The following DPY19L1 variants were observed in gnomAD, a reference collection of about 807,000 sequenced individuals.
DPY19L1 encodes dpy-19 like C-mannosyltransferase 1, also known as protein C-mannosyl-transferase DPY19L1.
Under a neutral mutation model 96.9 loss-of-function variants are expected in DPY19L1, and 35 were observed. That is an observed-to-expected ratio of 0.36 (90% confidence interval 0.28 to 0.48). The LOEUF (loss-of-function observed/expected upper bound fraction) is 0.48. Ranked by LOEUF, DPY19L1 falls within the 20% of genes least tolerant of loss-of-function variation. The pLI, the probability that DPY19L1 is intolerant of heterozygous loss-of-function variation, is 0.99. For synonymous variants in DPY19L1, 205 were observed against 252.6 expected (o/e 0.81, Z 1.79); for missense variants, 521 against 777.9 (o/e 0.67, Z 3.93).
At chr7:34,965,560 T>C (rs1784592332) in intron 10 of DPY19L1, among the ~76,000 whole-genome samples, 1 of 152,182 alleles carries the variant, frequency 6.6e-6, no homozygotes, top group South Asian at 2.1e-4. Flanking sequence ...ATACAGGACT[T>C]AAAAGTAACA....
chr7:34,957,334 C>T (rs533364454), intron 11 of DPY19L1, among the ~76,000 whole-genome samples: 1 of 152,076 alleles, frequency 6.6e-6, no homozygotes, highest in Admixed American at 6.6e-5. Flanking sequence ...AAGATTGCGC[C>T]ATTGCACTCC....
intron 8 of DPY19L1, among the ~76,000 whole-genome samples, chr7:34,972,992 T>C (rs1784754695): frequency 6.6e-6 from 1 of 152,254 alleles, no homozygotes; most frequent in Non-Finnish European, 1.5e-5. Flanking sequence ...AAGGGAGTTA[T>C]CAGTCTGAGT....
intron 6 of DPY19L1, among the ~76,000 whole-genome samples, chr7:35,009,194 C>A (rs751125465): frequency 2.3e-4 from 35 of 152,144 alleles, no homozygotes; most frequent in Non-Finnish European, 4.3e-4. Context: ...AAACGGTGGG[C>A]TAGAAACTCA....
rs747408342 is a variant in DPY19L1 at position 35,023,844 on chromosome 7, T to TTTTG, written c.299-5249_299-5248insCAAA. Among the ~76,000 whole-genome samples the TTTTG allele has an allele frequency of 4.4e-3, 643 of 145,448 alleles. 4 individuals carry two copies. Among genetic ancestry groups the TTTTG allele is most frequent in the Non-Finnish European group, 7.5e-3 (497 of 65,998 alleles). On this transcript the variant is annotated intron_variant, in intron 1 of 21. Coordinates refer to ENST00000638088, the MANE Select transcript of DPY19L1 (RefSeq NM_001366673.1). Reference sequence around the variant, plus strand: ...TTTTCTTTTCTTTTCTTTTTTTTTTTTTTTTTTTTGAGACAGGGTCTTGCT... The same window carrying TTTTG: ...TTTTCTTTTCTTTTCTTTTTTTTTTTTTTGTTTTTTTTTGAGACAGGGTCTTGCT...
intron 6 of DPY19L1, among the ~76,000 whole-genome samples, chr7:34,995,931 G>C (rs1785274241): frequency 7.2e-6 from 1 of 139,602 alleles, no homozygotes; most frequent in Admixed American, 7.1e-5. Context: ...GGGGCGGTGG[G>C]GGGGATTCAC....
intron 7 of DPY19L1, among the ~76,000 whole-genome samples, chr7:34,989,407 G>A (rs1785116183): frequency 6.6e-6 from 1 of 152,048 alleles, no homozygotes. Context: ...TTGAGGCCAG[G>A]AATTCAAGAC....
intron 10 of DPY19L1, among the ~76,000 whole-genome samples, chr7:34,964,234 T>C (rs1784564727): frequency 6.6e-6 from 1 of 152,092 alleles, no homozygotes; most frequent in African/African-American, 2.4e-5. Context: ...AGTCATATAA[T>C]AAAGTATGTA....
chr7:34,956,634 G>T (rs1784385492), intron 11 of DPY19L1, among the ~76,000 whole-genome samples: 1 of 151,722 alleles, frequency 6.6e-6, no homozygotes, highest in Admixed American at 6.6e-5. Flanking sequence ...CTCCTGAGTA[G>T]CTGGGACTAC....
chr7:35,001,383 C>T (rs991436262), intron 6 of DPY19L1, among the ~76,000 whole-genome samples: 7 of 152,106 alleles, frequency 4.6e-5, no homozygotes, highest in Non-Finnish European at 8.8e-5. Flanking sequence ...TTAATTTATT[C>T]AATCAAAAAA....
intron 13 of DPY19L1, among the ~76,000 whole-genome samples, chr7:34,952,165 C>G (rs1347167586): frequency 1.3e-5 from 2 of 148,412 alleles, no homozygotes. Context: ...AATAGAAGAC[C>G]AATATTAATT....
At position 34,929,933 on chromosome 7, in the gene DPY19L1, C is replaced by G. The variant is rs1175915528; in HGVS notation, c.*1640G>C. The G allele has an allele frequency of 3.3e-5, 5 of 152,262 alleles. No individual in the cohort carries two copies. 9.4% of individuals were successfully genotyped at this position (152,262 alleles called of 1,614,324 possible). ...AGGAGCATCCCTGGGAGCTGCGGCT[C>G]TAGGCGCTGGCACAAGACTGGGGGG... On this transcript the variant is annotated 3_prime_UTR_variant, in exon 22 of 22. Transcript: ENST00000638088.
At chr7:34,940,439 G>C (rs1224353492) in intron 18 of DPY19L1, 112 bp from the exon 19 acceptor site, 1 of 800,108 alleles carries the variant, frequency 1.2e-6, no homozygotes, top group African/African-American at 1.8e-5. Flanking sequence ...CCCAAATAAA[G>C]GATTAATTAT....
In DPY19L1 at chr7:35,011,155, T is replaced by C. The variant is rs575438609; in HGVS notation, c.670+175A>G. Among the ~76,000 whole-genome samples, 10 of 152,278 alleles carry C rather than the reference T, an allele frequency of 6.6e-5. No individual in the cohort carries two copies. The East Asian group carries it at 1.7e-3, about 26-fold the overall frequency. On this transcript the variant is annotated intron_variant, in intron 5 of 21. Coordinates refer to ENST00000638088, the MANE Select transcript of DPY19L1 (RefSeq NM_001366673.1). ...TTAGTAGCAGAGGTCCCTGAAATCA[T>C]GGACATAAACCAGCCCCGCTAAAGC... is the stretch of plus-strand genomic sequence containing the variant.
At chr7:34,950,012 A>G in intron 13 of DPY19L1, 114 bp from the exon 14 acceptor site, 2 of 526,290 alleles carry the variant, frequency 3.8e-6, no homozygotes, top group Non-Finnish European at 6.5e-6. Context: ...CTGTTCCCAC[A>G]CCAAGCCTGC....
intron 6 of DPY19L1, among the ~76,000 whole-genome samples, chr7:35,004,053 C>T (rs550805792): frequency 7.2e-5 from 11 of 152,338 alleles, no homozygotes; most frequent in African/African-American, 2.6e-4. Context: ...CTTCAAGAAC[C>T]ATAAACTACA....
rs143756967 is a variant in DPY19L1, at chr7:34,937,715, C to T, written c.2090+279G>A. On this transcript the variant is annotated intron_variant, in intron 21 of 21. Coordinates refer to ENST00000638088, the MANE Select transcript of DPY19L1 (RefSeq NM_001366673.1). Reference sequence around the variant, plus strand: ...TTGGGAGGCCAAGGCAGGAGTAGCACTTGAGGCCAGGAGTTTGAGACCAGC... The same window carrying T: ...TTGGGAGGCCAAGGCAGGAGTAGCATTTGAGGCCAGGAGTTTGAGACCAGC... Among the ~76,000 whole-genome samples, 1,477 of 152,264 alleles carry T rather than the reference C, an allele frequency of 9.7e-3. 19 individuals carry two copies. The highest frequency in any genetic ancestry group is 0.031 in the African/African-American group (1,309 of 41,560).
chr7:34,981,608 T>C (rs148090164), intron 7 of DPY19L1, among the ~76,000 whole-genome samples: 1 of 152,294 alleles, frequency 6.6e-6, no homozygotes, highest in East Asian at 1.9e-4. Context: ...CCTCCAGAGG[T>C]AATGCAAAGC....
chr7:34,959,913 ATATATATATATT>A (rs1474845350), intron 10 of DPY19L1, among the ~76,000 whole-genome samples: 11 of 58,210 alleles, frequency 1.9e-4, no homozygotes, highest in African/African-American at 3.8e-4. Context: ...ATATATATAT[ATATATATATATT>A]TATATATATA....
intron 6 of DPY19L1, among the ~76,000 whole-genome samples, chr7:34,990,297 C>A (rs1312689485): frequency 1.3e-5 from 2 of 152,090 alleles, no homozygotes; most frequent in African/African-American, 4.8e-5. Context: ...TTCAACATTT[C>A]TCAAACTGCT....
Sources: gnomAD v4.1 joint callset for allele counts (sites outside exome capture counted in the v4.1 genomes callset) on GRCh38, gnomAD v4.1.1 for gene constraint, MANE v1.5 for transcripts, NCBI Gene and HGNC (gene_info 2026-07-23, HGNC 2026-07-21) for gene names.